Variants in CPS1 observed in about 807,000 individuals in gnomAD.
CPS1 encodes the protein carbamoyl-phosphate synthase 1.
CPS1 carries 109 observed loss-of-function variants against 174.6 expected under a neutral mutation model. The observed-to-expected ratio is 0.62, with a 90% CI of 0.53 to 0.73. The LOEUF (loss-of-function observed/expected upper bound fraction) is 0.73. Ranked by LOEUF, CPS1 falls within the 30% of genes least tolerant of loss-of-function variation. The pLI is 0.00. For synonymous variants in CPS1, 637 were observed against 632.0 expected, an observed-to-expected ratio of 1.01 and a Z score of -0.12; for missense variants, 1,689 against 1,821.9, an observed-to-expected ratio of 0.93 and a Z score of 1.33.
chr2:210,638,178 A>G (rs1298062141), intron 22 of CPS1, among the ~76,000 whole-genome samples: 1 of 152,232 alleles, frequency 6.6e-6, no homozygotes, highest in Non-Finnish European at 1.5e-5. Context: ...TCCTTAGTGT[A>G]ATTGAAGGAC....
rs187540795 is a variant in CPS1, at chr2:210,675,915, C to T, written c.4274+75C>T. 35 of 792,744 alleles carry T rather than the reference C, an allele frequency of 4.4e-5. No individual in the cohort carries two copies. The African/African-American group carries it at 5.7e-4, about 13-fold the overall frequency. The allele number at this position is 792,744 out of a possible 1,614,324, so 49.1% of individuals were successfully genotyped here. ...GAGAACCAGTATATGAATATTTCAC[C>T]TTACTTGATTGCAAGTCTTTTAAAA... On this transcript the variant is annotated intron_variant, in intron 36 of 37. Transcript: ENST00000233072.
At chr2:210,559,554 G>GTA (rs1239571039) in intron 1 of CPS1, among the ~76,000 whole-genome samples, 1 of 152,082 alleles carries the variant, frequency 6.6e-6, no homozygotes, top group African/African-American at 2.4e-5. Flanking sequence ...GATATCAAGG[G>GTA]TATAAATGAT....
intron 8 of CPS1, 131 bp from the exon 9 acceptor site, chr2:210,590,669 A>G (rs997771510): frequency 6.9e-5 from 48 of 697,252 alleles, no homozygotes; most frequent in Non-Finnish European, 2.7e-5. Flanking sequence ...GTCCTTTTTT[A>G]TATTCTTCTT....
intron 1 of CPS1, among the ~76,000 whole-genome samples, chr2:210,511,665 T>TC (rs1287897815): frequency 6.6e-6 from 1 of 151,984 alleles, no homozygotes; most frequent in Non-Finnish European, 1.5e-5. Flanking sequence ...CACGTGATAC[T>TC]CCCGGTCAAA....
intron 1 of CPS1, among the ~76,000 whole-genome samples, chr2:210,510,462 G>T (rs1695431799): frequency 6.6e-6 from 1 of 152,076 alleles, no homozygotes; most frequent in South Asian, 2.1e-4. Flanking sequence ...CAGGACATAG[G>T]CATGGGCAAG....
At chr2:210,642,707 A>G (rs1700267646) in intron 25 of CPS1, 42 bp downstream of exon 25, 1 of 1,555,260 alleles carries the variant, frequency 6.4e-7, no homozygotes, top group African/African-American at 1.4e-5. Context: ...AAGAAGACAG[A>G]TATATGTAGT....
At chr2:210,560,503 C>T (rs1697063449) in intron 1 of CPS1, among the ~76,000 whole-genome samples, 1 of 151,970 alleles carries the variant, frequency 6.6e-6, no homozygotes, top group Non-Finnish European at 1.5e-5. Flanking sequence ...AACATTAATC[C>T]ACTCATTTTT....
upstream of CPS1, among the ~76,000 whole-genome samples, chr2:210,553,165 A>G (rs1696774085): frequency 6.6e-6 from 1 of 151,304 alleles, no homozygotes; most frequent in African/African-American, 2.4e-5. Flanking sequence ...ATTTAACATA[A>G]TATTGCCTCC....
At chr2:210,558,486 G>T (rs558652509) in intron 1 of CPS1, among the ~76,000 whole-genome samples, 1 of 152,030 alleles carries the variant, frequency 6.6e-6, no homozygotes, top group South Asian at 2.1e-4. Flanking sequence ...AATACCTCAA[G>T]GTACTCATGT....
At chr2:210,621,459 A>C (rs1320420815) in intron 21 of CPS1, among the ~76,000 whole-genome samples, 1 of 152,098 alleles carries the variant, frequency 6.6e-6, no homozygotes, top group Non-Finnish European at 1.5e-5. Context: ...ATTAGCTTTC[A>C]CTGCTAAGCT....
rs1213618383 is a variant in CPS1, at chr2:210,577,586, C to T, written c.471+76C>T. The stretch of plus-strand genomic sequence containing the variant: ...TGCCTGTAGATTCAGAAGTGCCAAG[C>T]AGACAGAGGAAGATCATGTAGTTTG... On this transcript the variant is annotated intron_variant, in intron 4 of 37. Transcript: ENST00000233072. 3 of 1,028,376 alleles carry T rather than the reference C, an allele frequency of 2.9e-6. No homozygotes were observed. The African/African-American group carries it at 4.7e-5, about 16-fold the overall frequency. The allele number at this position is 1,028,376 out of a possible 1,614,324, so 63.7% of individuals were successfully genotyped here.
chr2:210,564,808 C>G (rs914335424), intron 1 of CPS1, among the ~76,000 whole-genome samples: 1 of 151,990 alleles, frequency 6.6e-6, no homozygotes, highest in Non-Finnish European at 1.5e-5. Flanking sequence ...GCATGGCCAA[C>G]ATGGTGAAAC....
chr2:210,511,600 G>A (rs1244333293), intron 1 of CPS1, among the ~76,000 whole-genome samples: 1 of 152,194 alleles, frequency 6.6e-6, no homozygotes, highest in African/African-American at 2.4e-5. Context: ...GAGAGACTCA[G>A]TATTCAAAGA....
intron 9 of CPS1, among the ~76,000 whole-genome samples, chr2:210,591,107 G>A (rs1698282112): frequency 6.6e-6 from 1 of 151,600 alleles, no homozygotes. Context: ...ACCTTACGTG[G>A]TTGACAGTTG....
At chr2:210,566,339 G>A (rs1024952423) in intron 1 of CPS1, among the ~76,000 whole-genome samples, 1 of 152,146 alleles carries the variant, frequency 6.6e-6, no homozygotes, top group African/African-American at 2.4e-5. Flanking sequence ...ACAATCTTCA[G>A]TGCTTGAGAA....
chr2:210,621,325 G>T (rs1407901621), intron 21 of CPS1, among the ~76,000 whole-genome samples: 1 of 152,112 alleles, frequency 6.6e-6, no homozygotes, highest in Non-Finnish European at 1.5e-5. Context: ...TTGGAATTTA[G>T]ATGTTTAATG....
intron 1 of CPS1, among the ~76,000 whole-genome samples, chr2:210,505,383 C>T (rs1695250193): frequency 6.6e-6 from 1 of 152,042 alleles, no homozygotes. Context: ...ATAGAAGAAT[C>T]TAAGAGCTAG....
At chr2:210,649,822 A>G (rs1353348760) in intron 27 of CPS1, among the ~76,000 whole-genome samples, 1 of 152,198 alleles carries the variant, frequency 6.6e-6, no homozygotes, top group African/African-American at 2.4e-5. Flanking sequence ...TTAAAAAGAA[A>G]GGATATAGTT....
chr2:210,549,806 C>A (rs1696675423), intron 1 of CPS1, among the ~76,000 whole-genome samples: 1 of 151,966 alleles, frequency 6.6e-6, no homozygotes, highest in Non-Finnish European at 1.5e-5. Flanking sequence ...CAGCAGAAAG[C>A]AATCCTGTTT....
Sources: allele counts gnomAD v4.1 joint callset (sites outside exome capture counted in the v4.1 genomes callset), GRCh38; gene constraint gnomAD v4.1.1; transcripts MANE v1.5; gene names NCBI Gene and HGNC (gene_info 2026-07-23, HGNC 2026-07-21).